TMEM132D: variants seen among roughly 807,000 people sequenced by gnomAD.
TMEM132D encodes mature OL transmembrane protein.
A neutral mutation model predicts 62.3 loss-of-function variants in TMEM132D; 21 were observed. That is an observed-to-expected ratio of 0.34 (90% CI 0.24 to 0.49). The LOEUF is 0.49. TMEM132D is among the 20% of genes least tolerant of loss of function. The pLI, the probability that TMEM132D is intolerant of heterozygous loss-of-function variation, is 0.99. For missense variants in TMEM132D, 1,346 were observed against 1,402.8 expected, an observed-to-expected ratio of 0.96 and a Z score of 0.65; for synonymous variants, 621 against 575.6, an observed-to-expected ratio of 1.08 and a Z score of -1.13.
At chr12:129,398,783 C>T (rs1300718595) in intron 3 of TMEM132D, among the ~76,000 whole-genome samples, 1 of 152,144 alleles carries the variant, frequency 6.6e-6, no homozygotes, top group Non-Finnish European at 1.5e-5. Flanking sequence ...GAGTTTACTC[C>T]TCTCTCCCTA....
intron 2 of TMEM132D, among the ~76,000 whole-genome samples, chr12:129,568,995 A>T (rs1266466515): frequency 6.6e-6 from 1 of 152,150 alleles, no homozygotes; most frequent in Non-Finnish European, 1.5e-5. Flanking sequence ...CTGAGTTAGC[A>T]GGTTTGGGGT....
chr12:129,316,975 G>A (rs892637874), intron 4 of TMEM132D, among the ~76,000 whole-genome samples: 2 of 152,106 alleles, frequency 1.3e-5, no homozygotes, highest in South Asian at 2.1e-4. Flanking sequence ...ACTCTTGCTC[G>A]CTTTTGGTGT....
At chr12:129,612,698 G>A (rs572719926) in intron 2 of TMEM132D, among the ~76,000 whole-genome samples, 134 of 143,238 alleles carry the variant, frequency 9.4e-4, no homozygotes, top group African/African-American at 3.0e-3. Context: ...TCCCCAAAAT[G>A]TGGGAAGACA....
intron 2 of TMEM132D, among the ~76,000 whole-genome samples, chr12:129,631,061 A>G (rs1202633013): frequency 2.0e-5 from 3 of 152,142 alleles, no homozygotes; most frequent in African/African-American, 4.8e-5. Flanking sequence ...GACCTACCCC[A>G]TATGGGGTAG....
chr12:129,556,001 T>C (rs550691964), intron 2 of TMEM132D, among the ~76,000 whole-genome samples: 32 of 152,278 alleles, frequency 2.1e-4, no homozygotes, highest in African/African-American at 7.7e-4. Flanking sequence ...TTACACGGGA[T>C]TTATGTGTTC....
At chr12:129,898,044 C>T (rs1391434512) in intron 1 of TMEM132D, among the ~76,000 whole-genome samples, 1 of 152,212 alleles carries the variant, frequency 6.6e-6, no homozygotes, top group African/African-American at 2.4e-5. Context: ...TGGTCCAGTA[C>T]ATATCTACCC....
At position 129,263,809 on chromosome 12, in the gene TMEM132D, G is replaced by C. The variant is rs140697465; in HGVS notation, c.1300-54146C>G. On this transcript the variant is annotated intron_variant, in intron 4 of 8. Coordinates refer to ENST00000422113, the MANE Select transcript of TMEM132D (RefSeq NM_133448.3). ...CAAGCAGAAAGACACCTGCAGTCAG[G>C]GTTCTTCAGAATGGAAAGGAAGTGT... Among the ~76,000 whole-genome samples the C allele has an allele frequency of 8.9e-4, 135 of 152,124 alleles. 1 individual carries two copies. Among genetic ancestry groups the C allele is most frequent in the African/African-American group, 3.0e-3 (125 of 41,492 alleles).
In TMEM132D at chr12:129,223,056, C is replaced by CT. The variant is rs199646027; in HGVS notation, c.1300-13394dup. 5.5e-4 allele frequency among the ~76,000 whole-genome samples: 83 copies of CT among 152,094 alleles called. 1 individual carries two copies. In the East Asian group the frequency reaches 0.015, roughly 28 times the overall value. Reference sequence around the variant, plus strand: ...ATTTGCCAGTTATACCTCAATAAAGCTGGGGGGAGAAAGAGATAATGCCTT... The same window carrying CT: ...ATTTGCCAGTTATACCTCAATAAAGCTTGGGGGGAGAAAGAGATAATGCCTT... On this transcript the variant is annotated intron_variant, in intron 4 of 8. Transcript: ENST00000422113.
intron 3 of TMEM132D, among the ~76,000 whole-genome samples, chr12:129,465,052 T>G (rs1214403366): frequency 1.3e-5 from 2 of 152,034 alleles, no homozygotes; most frequent in African/African-American, 4.8e-5. Context: ...ATCTATTAAT[T>G]ACCTTGGGCA....
At chr12:129,595,771 T>C (rs190630393) in intron 2 of TMEM132D, among the ~76,000 whole-genome samples, 3 of 152,344 alleles carry the variant, frequency 2.0e-5, no homozygotes, top group Admixed American at 2.0e-4. Context: ...ACTGCAGATA[T>C]GGGACGGAGC....
chr12:129,657,807 T>C (rs998685657), intron 2 of TMEM132D, among the ~76,000 whole-genome samples: 3 of 152,234 alleles, frequency 2.0e-5, no homozygotes, highest in African/African-American at 4.8e-5. Flanking sequence ...TCACTGAGAA[T>C]GTTTAATTTT....
intron 4 of TMEM132D, among the ~76,000 whole-genome samples, chr12:129,323,717 C>G (rs1868797163): frequency 6.6e-6 from 1 of 152,184 alleles, no homozygotes; most frequent in South Asian, 2.1e-4. Flanking sequence ...GTATCAATGA[C>G]CAGCTACACT....
intron 5 of TMEM132D, among the ~76,000 whole-genome samples, chr12:129,207,970 T>C (rs1878905880): frequency 6.6e-6 from 1 of 152,200 alleles, no homozygotes; most frequent in Admixed American, 6.5e-5. Flanking sequence ...TAAACTGTCA[T>C]CACCCAACTG....
intron 1 of TMEM132D, among the ~76,000 whole-genome samples, chr12:129,821,305 G>A (rs550517205): frequency 2.0e-4 from 30 of 152,260 alleles, no homozygotes; most frequent in African/African-American, 7.2e-4. Context: ...CCACGGTGTT[G>A]GTGTCCTCTG....
At chr12:129,782,700 GGTAAGTCTGATAAATCCAT>G (rs1871153091) in intron 1 of TMEM132D, among the ~76,000 whole-genome samples, 1 of 150,512 alleles carries the variant, frequency 6.6e-6, no homozygotes, top group South Asian at 2.1e-4. Context: ...GATAAATCCA[GGTAAGTCTGATAAATCCAT>G]GTAAGTCACA....
intron 5 of TMEM132D, among the ~76,000 whole-genome samples, chr12:129,125,672 CT>C (rs111393507): frequency 2.3e-4 from 33 of 143,866 alleles, no homozygotes; most frequent in South Asian, 4.4e-4. Context: ...TTTCTTTTTT[CT>C]TTTTTTTTTG....
chr12:129,610,835 G>A (rs7973346), intron 2 of TMEM132D, among the ~76,000 whole-genome samples: 8,314 of 152,080 alleles, frequency 0.055, 301 homozygotes, highest in South Asian at 0.1. Flanking sequence ...GCATATAATC[G>A]CAGGGATTTA....
intron 5 of TMEM132D, among the ~76,000 whole-genome samples, chr12:129,188,754 GGAGA>G (rs1200155733): frequency 8.2e-6 from 1 of 122,500 alleles, no homozygotes; most frequent in African/African-American, 3.5e-5. Flanking sequence ...AGAGGGGGAG[GGAGA>G]GAGGGAGAGA....
At chr12:129,220,657 G>A (rs1365161328) in intron 4 of TMEM132D, among the ~76,000 whole-genome samples, 1 of 152,054 alleles carries the variant, frequency 6.6e-6, no homozygotes. Context: ...TTGGAACTAT[G>A]TACCCTCTAT....
Sources: allele counts gnomAD v4.1 joint callset (sites outside exome capture counted in the v4.1 genomes callset), GRCh38; gene constraint gnomAD v4.1.1; transcripts MANE v1.5; gene names NCBI Gene and HGNC (gene_info 2026-07-23, HGNC 2026-07-21).